The following OXCT1 variants were observed in gnomAD, a reference collection of about 807,000 sequenced individuals.
OXCT1 encodes the protein 3-oxoacid CoA-transferase 1, also known as succinyl-CoA:3-ketoacid coenzyme A transferase 1, mitochondrial.
OXCT1 carries 27 observed loss-of-function variants against 69.6 expected under a neutral mutation model. The ratio of observed to expected loss-of-function variants is 0.39; its 90% CI spans 0.29 to 0.54. The LOEUF (loss-of-function observed/expected upper bound fraction) is 0.54, where lower values mean the gene tolerates loss of function less well. OXCT1 is among the 20% of genes least tolerant of loss of function. The pLI is 0.72. For synonymous variants in OXCT1, 202 were observed against 217.8 expected, an observed-to-expected ratio of 0.93 and a Z score of 0.64; for missense variants, 437 against 650.2, an observed-to-expected ratio of 0.67 and a Z score of 3.57.
chr5:41,822,151 C>G (rs945625598), intron 7 of OXCT1, among the ~76,000 whole-genome samples: 2 of 152,110 alleles, frequency 1.3e-5, no homozygotes, highest in Non-Finnish European at 2.9e-5. Context: ...TGACACGGAT[C>G]TAGTAACTGC....
chr5:41,830,689 T>A (rs1748055826), intron 7 of OXCT1, among the ~76,000 whole-genome samples: 1 of 152,200 alleles, frequency 6.6e-6, no homozygotes, highest in Non-Finnish European at 1.5e-5. Flanking sequence ...TGGTGAGAAG[T>A]CTTTGTCTTA....
intron 14 of OXCT1, among the ~76,000 whole-genome samples, chr5:41,757,276 T>C (rs1030360055): frequency 6.6e-6 from 1 of 152,030 alleles, no homozygotes; most frequent in African/African-American, 2.4e-5. Context: ...CACACCAGTG[T>C]CTATTCTTTT....
intron 13 of OXCT1, among the ~76,000 whole-genome samples, chr5:41,783,843 G>A (rs919214964): frequency 2.6e-5 from 4 of 152,136 alleles, no homozygotes; most frequent in African/African-American, 9.7e-5. Context: ...GTAAGCAGTT[G>A]TTCAAAATAT....
At chr5:41,771,074 A>T (rs975849031) in intron 13 of OXCT1, among the ~76,000 whole-genome samples, 1 of 152,172 alleles carries the variant, frequency 6.6e-6, no homozygotes, top group Non-Finnish European at 1.5e-5. Context: ...AAACCACTTT[A>T]TGCAGGTTAG....
intron 6 of OXCT1, 113 bp downstream of exon 6, chr5:41,842,562 G>A (rs919005156): frequency 2.9e-5 from 23 of 795,602 alleles, no homozygotes; most frequent in African/African-American, 1.2e-4. Flanking sequence ...ATACACATGG[G>A]CATGTATGAT....
rs750709562 is a variant in OXCT1 at position 41,850,022 on chromosome 5, T to C, written c.564+8A>G. The C allele has an allele frequency of 6.2e-7, 1 of 1,613,414 alleles. No homozygotes were observed. The highest frequency in any genetic ancestry group is 8.5e-7 in the Non-Finnish European group (1 of 1,179,414). On this transcript the variant is annotated splice_region_variant and intron_variant, in intron 5 of 16. Coordinates refer to ENST00000196371, the MANE Select transcript of OXCT1 (RefSeq NM_000436.4). ...TCCTGGTATAATCTGGTTAAGAGTGTTTCTTACCTCTCTTGGCTTACTGGC... is the reference window on the plus strand; with the variant it reads ...TCCTGGTATAATCTGGTTAAGAGTGCTTCTTACCTCTCTTGGCTTACTGGC...
At chr5:41,783,454 A>G (rs909051552) in intron 13 of OXCT1, among the ~76,000 whole-genome samples, 1 of 152,162 alleles carries the variant, frequency 6.6e-6, no homozygotes, top group Non-Finnish European at 1.5e-5. Context: ...ATTATTAATA[A>G]TGGGTTTCTA....
intron 7 of OXCT1, among the ~76,000 whole-genome samples, chr5:41,825,378 A>G (rs2112344134): frequency 6.6e-6 from 1 of 152,322 alleles, no homozygotes; most frequent in East Asian, 1.9e-4. Context: ...GGAATAAACC[A>G]CAGAGTAGAA....
At chr5:41,862,854 C>T (rs893823881) in intron 1 of OXCT1, 104 bp from the exon 2 acceptor site, 8 of 716,108 alleles carry the variant, frequency 1.1e-5, no homozygotes, top group East Asian at 2.8e-5. Flanking sequence ...ATTTCATTAT[C>T]TCCTTTATAT....
In OXCT1 at chr5:41,731,392, A is replaced by AAGCC; in HGVS notation, c.*333_*336dup. ...GACTAATAATTAATATTTAAGAGGA[A>AAGCC]AGCCACATCAATTTCTAGGGCCCTT... On this transcript the variant is annotated 3_prime_UTR_variant, in exon 17 of 17. Coordinates refer to ENST00000196371, the MANE Select transcript of OXCT1 (RefSeq NM_000436.4). 1 of 1,053,954 alleles carries AAGCC rather than the reference A, an allele frequency of 9.5e-7. No homozygotes were observed. Among genetic ancestry groups the AAGCC allele is most frequent in the Non-Finnish European group, 1.1e-6 (1 of 870,034 alleles). The allele number at this position is 1,053,954 out of a possible 1,614,324, so 65.3% of individuals were successfully genotyped here. A position where few individuals can be genotyped will look rare whatever the true frequency, so the allele number is the denominator to read the frequency against.
chr5:41,789,687 T>C (rs922039293), intron 13 of OXCT1, among the ~76,000 whole-genome samples: 6 of 152,234 alleles, frequency 3.9e-5, no homozygotes, highest in East Asian at 3.8e-4. Context: ...TGACCTCATA[T>C]GGATTTTCCA....
chr5:41,870,336 G>T lies in OXCT1; in HGVS notation c.23C>A (p.Ser8Tyr). MAALKLL[S>Y]SGLRLCASAR... ...AGAGGCGCAGAGCCGAAGCCCGGAGGAGAGGAGTTTGAGAGCCGCCATCTT... is the reference window on the plus strand; with the variant it reads ...AGAGGCGCAGAGCCGAAGCCCGGAGTAGAGGAGTTTGAGAGCCGCCATCTT... Residue 8 changes from serine to tyrosine, a missense_variant, in exon 1 of 17, where the codon TCC becomes TAC. By Grantham distance (144) the Ser-to-Tyr change is moderately radical. Coordinates refer to ENST00000196371, the MANE Select transcript of OXCT1 (RefSeq NM_000436.4). This position sits in a 1 kb window ranked among gnomAD's most constrained non-coding sequence, Gnocchi z 4.2. 1.2e-6 allele frequency: 2 copies of T among 1,613,794 alleles called. No homozygotes were observed. The highest frequency in any genetic ancestry group is 1.3e-5 in the African/African-American group (1 of 75,072).
At chr5:41,824,194 T>C (rs191831516) in intron 7 of OXCT1, among the ~76,000 whole-genome samples, 45 of 152,324 alleles carry the variant, frequency 3.0e-4, no homozygotes, top group Non-Finnish European at 5.6e-4. Flanking sequence ...AGTCTTTCCT[T>C]ATCCTCATTT....
intron 3 of OXCT1, among the ~76,000 whole-genome samples, chr5:41,857,042 C>T (rs896746133): frequency 1.3e-5 from 2 of 152,148 alleles, no homozygotes; most frequent in African/African-American, 2.4e-5. Context: ...CCAAAACTAA[C>T]GCAGCGATCT....
At position 41,838,010 on chromosome 5, in the gene OXCT1, T is replaced by C. The variant is rs115243063; in HGVS notation, c.732+2441A>G. 5.9e-3 allele frequency among the ~76,000 whole-genome samples: 898 copies of C among 152,338 alleles called. 10 individuals are homozygous for C. Among genetic ancestry groups the C allele is most frequent in the African/African-American group, 0.021 (856 of 41,570 alleles). The stretch of plus-strand genomic sequence containing the variant: ...ATAGTAGCTAACATTATTGGCATTT[T>C]GCATGCAGAAGAATATGCAGTTAAC... On this transcript the variant is annotated intron_variant, in intron 7 of 16. Transcript: ENST00000196371.
intron 7 of OXCT1, among the ~76,000 whole-genome samples, chr5:41,829,699 C>T (rs1389202804): frequency 6.6e-6 from 1 of 152,102 alleles, no homozygotes; most frequent in Non-Finnish European, 1.5e-5. Context: ...TGTTAATATA[C>T]AAGTGTATGT....
At chr5:41,753,142 A>G (rs1041177968) in intron 14 of OXCT1, among the ~76,000 whole-genome samples, 9 of 152,122 alleles carry the variant, frequency 5.9e-5, no homozygotes, top group African/African-American at 2.2e-4. Context: ...TAAGCTCTTT[A>G]TCACAACAGA....
intron 14 of OXCT1, among the ~76,000 whole-genome samples, chr5:41,759,685 C>CA (rs1285368869): frequency 6.6e-6 from 1 of 151,944 alleles, no homozygotes; most frequent in Non-Finnish European, 1.5e-5. Flanking sequence ...AAAACAACAA[C>CA]AAAAAACACA....
Position 41,762,635 on chromosome 5 carries a change from A to G in OXCT1, c.1249-435T>C, listed in dbSNP as rs2112103626. Among the ~76,000 whole-genome samples, 2 of 152,270 alleles carry G rather than the reference A, an allele frequency of 1.3e-5. 1 individual carries two copies. Among genetic ancestry groups the G allele is most frequent in the Middle Eastern group, 6.8e-3 (2 of 294 alleles). On this transcript the variant is annotated intron_variant, in intron 13 of 16. Transcript: ENST00000196371. The surrounding 1 kb of genome is among the most constrained non-coding windows in gnomAD (Gnocchi z 4.0). ...ACTCTTGGATTTCCTGCAGATTAAAATTCCATTATGTAGTAGTAGGCTGAG... is the reference window on the plus strand; with the variant it reads ...ACTCTTGGATTTCCTGCAGATTAAAGTTCCATTATGTAGTAGTAGGCTGAG...
Sources: gnomAD v4.1 joint callset for allele counts (sites outside exome capture counted in the v4.1 genomes callset) on GRCh38, gnomAD v4.1.1 for gene constraint, Gnocchi (gnomAD v3.1) non-coding constraint, MANE v1.5 for transcripts, NCBI Gene and HGNC (gene_info 2026-07-23, HGNC 2026-07-21) for gene names.